Variants in PCDHA5 observed in about 807,000 individuals in gnomAD.
The protein encoded by PCDHA5 is protocadherin alpha-5.
PCDHA5 carries 43 observed loss-of-function variants against 61.6 expected under a neutral mutation model. That is an observed-to-expected ratio of 0.70 (90% CI 0.55 to 0.90). PCDHA5 has a LOEUF of 0.90. Ranked by LOEUF, PCDHA5 falls within the 40% of genes least tolerant of loss-of-function variation. The pLI is 0.00. For missense variants in PCDHA5, 1,298 were observed against 1,222.7 expected, an observed-to-expected ratio of 1.06 and a Z score of -0.92; for synonymous variants, 627 against 543.9, an observed-to-expected ratio of 1.15 and a Z score of -2.13.
rs148820707 is a variant in PCDHA5, at chr5:140,954,545, G to A, written c.2353-24404G>A. ...AGTGATGTTGAGGTTTTTTTCATAT[G>A]TTTGTTGGCTGCATGACTGTCTTCT... On this transcript the variant is annotated intron_variant, in intron 1 of 3. Coordinates refer to ENST00000529859, the MANE Select transcript of PCDHA5 (RefSeq NM_018908.3). 4.6e-3 allele frequency among the ~76,000 whole-genome samples: 702 copies of A among 152,204 alleles called. 2 individuals are homozygous for A. The highest frequency in any genetic ancestry group is 0.016 in the African/African-American group (679 of 41,554).
At chr5:140,833,988 T>C (rs1772754266) in intron 1 of PCDHA5, among the ~76,000 whole-genome samples, 1 of 152,186 alleles carries the variant, frequency 6.6e-6, no homozygotes, top group African/African-American at 2.4e-5. Context: ...TTCTAAGGCA[T>C]GAGGAAGCTA....
intron 3 of PCDHA5, among the ~76,000 whole-genome samples, chr5:140,998,657 T>G (rs1252646330): frequency 6.6e-6 from 1 of 151,974 alleles, no homozygotes; most frequent in African/African-American, 2.4e-5. Flanking sequence ...CTCTGCCTCC[T>G]GGGTTCAAGT....
intron 1 of PCDHA5, among the ~76,000 whole-genome samples, chr5:140,922,803 A>G (rs2080995467): frequency 6.6e-6 from 1 of 152,246 alleles, no homozygotes; most frequent in African/African-American, 2.4e-5. Flanking sequence ...TGGAATACAG[A>G]AAAAGGAGAT....
chr5:140,916,229 A>G (rs2077489205), intron 1 of PCDHA5, among the ~76,000 whole-genome samples: 2 of 152,190 alleles, frequency 1.3e-5, no homozygotes, highest in African/African-American at 4.8e-5. Flanking sequence ...TATGCTTTCC[A>G]GGAGCCAAAG....
intron 1 of PCDHA5, chr5:140,848,888 A>C: frequency 6.4e-7 from 1 of 1,564,652 alleles, no homozygotes; most frequent in South Asian, 1.1e-5. Flanking sequence ...ACAACCCTCC[A>C]GTGTTCCCAG....
rs192756440 is a variant in PCDHA5, at chr5:140,876,883, G to C, written c.2352+52756G>C. On this transcript the variant is annotated intron_variant, in intron 1 of 3. Coordinates refer to ENST00000529859, the MANE Select transcript of PCDHA5 (RefSeq NM_018908.3). Reference sequence around the variant, plus strand: ...GTTCGTGAAGGAGAACAACCCGCCGGGCTGCCACATCTTCACGGTGTCGGC... The same window carrying C: ...GTTCGTGAAGGAGAACAACCCGCCGCGCTGCCACATCTTCACGGTGTCGGC... The C allele has an allele frequency of 2.2e-3, 3,631 of 1,614,132 alleles. 14 individuals are homozygous for C. Among genetic ancestry groups the C allele is most frequent in the Middle Eastern group, 9.1e-3 (55 of 6,048 alleles).
At chr5:140,925,505 C>T (rs528944783) in intron 1 of PCDHA5, among the ~76,000 whole-genome samples, 5 of 151,936 alleles carry the variant, frequency 3.3e-5, no homozygotes, top group African/African-American at 4.8e-5. Context: ...CCAATATCCA[C>T]GCAAAAGACC....
chr5:140,852,691 T>A, intron 1 of PCDHA5: 2 of 974,798 alleles, frequency 2.1e-6, no homozygotes, highest in Non-Finnish European at 2.5e-6. Flanking sequence ...TATAGTCTTA[T>A]ACTTTCAAGT....
At position 141,012,226 on chromosome 5, in the gene PCDHA5, A is replaced by G. The variant is rs1021307000; in HGVS notation, c.*2289A>G. Reference sequence around the variant, plus strand: ...TTTTACATTTGCGAAGTGCTTTCCAATCCATGTTAGTTACTAGTTATTACA... The same window carrying G: ...TTTTACATTTGCGAAGTGCTTTCCAGTCCATGTTAGTTACTAGTTATTACA... On this transcript the variant is annotated 3_prime_UTR_variant, in exon 4 of 4. Transcript: ENST00000529859. The G allele has an allele frequency of 2.6e-5, 4 of 153,758 alleles. No individual in the cohort carries two copies. Among genetic ancestry groups the G allele is most frequent in the African/African-American group, 9.7e-5 (4 of 41,442 alleles). 9.5% of individuals were successfully genotyped at this position (153,758 alleles called of 1,614,324 possible). A position where few individuals can be genotyped will look rare whatever the true frequency, so the allele number is the denominator to read the frequency against.
chr5:140,884,461 G>A (rs2060188157), intron 1 of PCDHA5: 3 of 1,613,646 alleles, frequency 1.9e-6, no homozygotes, highest in African/African-American at 1.3e-5. Flanking sequence ...CCGAGGGCGC[G>A]TGCGCGCCGG....
chr5:140,863,449 A>G (rs1166397854), intron 1 of PCDHA5: 4 of 570,946 alleles, frequency 7.0e-6, no homozygotes, highest in Admixed American at 4.2e-5. Flanking sequence ...TACTCGCAGC[A>G]AAGGAGATTT....
At position 140,835,410 on chromosome 5, in the gene PCDHA5, G is replaced by A. The variant is rs17844309; in HGVS notation, c.2352+11283G>A. On this transcript the variant is annotated intron_variant, in intron 1 of 3. Coordinates refer to ENST00000529859, the MANE Select transcript of PCDHA5 (RefSeq NM_018908.3). The stretch of plus-strand genomic sequence containing the variant: ...TACAGTTCTTGTGGAAGTTGTGGAT[G>A]TAAATGACAATGCTCCACAGTTGAC... 13,977 of 1,613,956 alleles carry A rather than the reference G, an allele frequency of 8.7e-3. 157 individuals are homozygous for A. Among genetic ancestry groups the A allele is most frequent in the East Asian group, 0.056 (2,497 of 44,848 alleles).
chr5:140,849,568 C>T (rs2040965455), intron 1 of PCDHA5: 1 of 1,598,504 alleles, frequency 6.3e-7, no homozygotes, highest in Non-Finnish European at 8.6e-7. Context: ...CTCTCGGTTC[C>T]TGTAAAAGAG....
At chr5:140,849,015 C>T (rs2040740928) in intron 1 of PCDHA5, 1 of 1,588,546 alleles carries the variant, frequency 6.3e-7, no homozygotes, top group Admixed American at 1.7e-5. Flanking sequence ...CAGACTGAGC[C>T]CCAATGAGTA....
rs1554169498 is a variant in PCDHA5 at position 140,877,227 on chromosome 5, G to A, written c.2352+53100G>A. On this transcript the variant is annotated intron_variant, in intron 1 of 3. Transcript: ENST00000529859. ...TTAGCGAGTTGGTACCGCGGTCGGT[G>A]GGTGCGGGCCACGTGGTGGCGAAAG... The A allele has an allele frequency of 1.9e-6, 3 of 1,613,738 alleles. No homozygotes were observed. The South Asian group carries it at 3.3e-5, about 18-fold the overall frequency.
At chr5:140,862,618 C>T in intron 1 of PCDHA5, 1 of 526,556 alleles carries the variant, frequency 1.9e-6, no homozygotes, top group East Asian at 5.1e-5. Context: ...AGGTAACAAC[C>T]CGCGGGGCTG....
intron 1 of PCDHA5, chr5:140,851,022 TA>T: frequency 7.0e-7 from 1 of 1,428,364 alleles, no homozygotes; most frequent in Non-Finnish European, 9.2e-7. Flanking sequence ...TCTGATAAAG[TA>T]AACCCCTTAA....
chr5:140,870,250 C>G (rs1562640720), intron 1 of PCDHA5: 1 of 1,614,092 alleles, frequency 6.2e-7, no homozygotes, highest in African/African-American at 1.3e-5. Flanking sequence ...TGTCAACGGA[C>G]AGGTGACCTG....
intron 1 of PCDHA5, among the ~76,000 whole-genome samples, chr5:140,959,379 A>T (rs2095484732): frequency 6.6e-6 from 1 of 152,176 alleles, no homozygotes; most frequent in Admixed American, 6.5e-5. Context: ...GTCTCAAAAA[A>T]AAAAGTCACA....
Sources: gnomAD v4.1 joint callset for allele counts (sites outside exome capture counted in the v4.1 genomes callset) on GRCh38, gnomAD v4.1.1 for gene constraint, MANE v1.5 for transcripts, NCBI Gene and HGNC (gene_info 2026-07-23, HGNC 2026-07-21) for gene names.